Variants in TNR observed in about 807,000 individuals in gnomAD.
TNR encodes tenascin-R.
Under a neutral mutation model 150.4 loss-of-function variants are expected in TNR, and 45 were observed. The observed-to-expected ratio is 0.30, with a 90% CI of 0.24 to 0.38. The LOEUF (loss-of-function observed/expected upper bound fraction) is 0.38, where lower values mean the gene tolerates loss of function less well. TNR is among the 10% of genes least tolerant of loss of function. The pLI is 1.00. For synonymous variants in TNR, 687 were observed against 678.4 expected (o/e 1.01, Z -0.20); for missense variants, 1,544 against 1,759.1 (o/e 0.88, Z 2.19).
chr1:175,634,081 C>G lies in TNR; in HGVS notation c.-164-105712G>C, dbSNP rs903667165. On this transcript the variant is annotated intron_variant, in intron 1 of 22. Coordinates refer to ENST00000367674, the MANE Select transcript of TNR (RefSeq NM_003285.3). Reference sequence around the variant, plus strand: ...AGATGAAATAAGCTAATCTATGTAACCACTTGACACAATGAATGGCCCCTG... The same window carrying G: ...AGATGAAATAAGCTAATCTATGTAAGCACTTGACACAATGAATGGCCCCTG... 3.3e-5 allele frequency among the ~76,000 whole-genome samples: 5 copies of G among 152,112 alleles called. No individual in the cohort carries two copies. In the East Asian group the frequency reaches 9.6e-4, roughly 29 times the overall value.
chr1:175,606,446 G>A (rs1389006124), intron 1 of TNR, among the ~76,000 whole-genome samples: 2 of 152,220 alleles, frequency 1.3e-5, no homozygotes, highest in African/African-American at 2.4e-5. Flanking sequence ...GTAGATGAAA[G>A]AGAACTAGAC....
intron 1 of TNR, among the ~76,000 whole-genome samples, chr1:175,678,662 G>T (rs1226148771): frequency 6.6e-6 from 1 of 152,218 alleles, no homozygotes; most frequent in Non-Finnish European, 1.5e-5. Flanking sequence ...ATTGACCAAA[G>T]AGAGATCTCA....
intron 2 of TNR, among the ~76,000 whole-genome samples, chr1:175,410,005 A>G (rs12024178): frequency 0.25 from 38,418 of 152,094 alleles, 5,775 homozygotes; most frequent in East Asian, 0.54. Context: ...GGTAACTGCT[A>G]TGGAGGGAGC....
At chr1:175,673,793 G>T (rs183935703) in intron 1 of TNR, among the ~76,000 whole-genome samples, 1 of 152,354 alleles carries the variant, frequency 6.6e-6, no homozygotes, top group East Asian at 1.9e-4. Flanking sequence ...GGGCATTTTG[G>T]CATGCCAATC....
intron 2 of TNR, among the ~76,000 whole-genome samples, chr1:175,511,826 C>T (rs1031779190): frequency 1.3e-5 from 2 of 152,196 alleles, no homozygotes; most frequent in African/African-American, 4.8e-5. Context: ...CAGAAAGGCA[C>T]AACAGTCCTG....
chr1:175,676,819 C>T (rs1665880406), intron 1 of TNR, among the ~76,000 whole-genome samples: 1 of 152,204 alleles, frequency 6.6e-6, no homozygotes, highest in Admixed American at 6.5e-5. Flanking sequence ...GACTCTCCTG[C>T]ACACAGAGCT....
intron 2 of TNR, among the ~76,000 whole-genome samples, chr1:175,429,723 T>C (rs1016106587): frequency 6.6e-5 from 10 of 152,252 alleles, no homozygotes; most frequent in African/African-American, 2.2e-4. Flanking sequence ...AGAAACTGGG[T>C]AGGGTCTAGA....
chr1:175,327,897 C>T (rs1438885691), intron 21 of TNR, among the ~76,000 whole-genome samples: 1 of 152,226 alleles, frequency 6.6e-6, no homozygotes, highest in Non-Finnish European at 1.5e-5. Flanking sequence ...CACCACAGGA[C>T]AGGAGCTCGA....
At chr1:175,480,897 C>A (rs1227148689) in intron 2 of TNR, among the ~76,000 whole-genome samples, 1 of 152,108 alleles carries the variant, frequency 6.6e-6, no homozygotes, top group Non-Finnish European at 1.5e-5. Flanking sequence ...CACTTCTTAT[C>A]CCTTTTATTA....
At chr1:175,484,087 C>T (rs1366191587) in intron 2 of TNR, among the ~76,000 whole-genome samples, 1 of 152,322 alleles carries the variant, frequency 6.6e-6, no homozygotes, top group South Asian at 2.1e-4. Flanking sequence ...CTGTGCAGTG[C>T]ACACAGAAGG....
At chr1:175,531,834 C>T (rs1287073953) in intron 1 of TNR, among the ~76,000 whole-genome samples, 1 of 152,242 alleles carries the variant, frequency 6.6e-6, no homozygotes, top group Non-Finnish European at 1.5e-5. Context: ...CAGGTGAGTT[C>T]AGCCATCAGA....
intron 1 of TNR, among the ~76,000 whole-genome samples, chr1:175,563,009 G>C (rs1405373772): frequency 6.6e-6 from 1 of 152,214 alleles, no homozygotes; most frequent in Non-Finnish European, 1.5e-5. Context: ...CAGGAAGCAT[G>C]ATTGATCCCA....
At chr1:175,723,998 A>C (rs1311047056) in intron 1 of TNR, among the ~76,000 whole-genome samples, 1 of 152,190 alleles carries the variant, frequency 6.6e-6, no homozygotes, top group Non-Finnish European at 1.5e-5. Context: ...AAATTTGAGA[A>C]AATTGATATT....
At chr1:175,473,266 G>T (rs1328200256) in intron 2 of TNR, among the ~76,000 whole-genome samples, 3 of 152,130 alleles carry the variant, frequency 2.0e-5, no homozygotes, top group Admixed American at 6.5e-5. Flanking sequence ...TTTTCCTCTT[G>T]TTTTCATTAA....
At chr1:175,601,468 T>A (rs1663233823) in intron 1 of TNR, among the ~76,000 whole-genome samples, 1 of 152,244 alleles carries the variant, frequency 6.6e-6, no homozygotes, top group East Asian at 1.9e-4. Flanking sequence ...GAGGCCTGAG[T>A]TCCAGTTCTG....
chr1:175,569,797 T>G (rs1021333389), intron 1 of TNR, among the ~76,000 whole-genome samples: 7 of 152,242 alleles, frequency 4.6e-5, no homozygotes, highest in African/African-American at 1.4e-4. Context: ...TATTTGATTC[T>G]TATCGGGCAG....
intron 1 of TNR, among the ~76,000 whole-genome samples, chr1:175,633,668 A>G (rs1187313183): frequency 6.6e-6 from 1 of 152,220 alleles, no homozygotes. Context: ...ATGGCCTCTT[A>G]GTACATTCCA....
chr1:175,534,819 C>G (rs1305648566), intron 1 of TNR, among the ~76,000 whole-genome samples: 3 of 152,174 alleles, frequency 2.0e-5, no homozygotes, highest in Non-Finnish European at 4.4e-5. Flanking sequence ...CCCCACATGT[C>G]AAGGACACTA....
rs762401732 is a variant in TNR, at chr1:175,356,309, A to G, written c.3118+10T>C. The G allele has an allele frequency of 6.2e-7, 1 of 1,613,940 alleles. No homozygotes were observed. The highest frequency in any genetic ancestry group is 1.3e-5 in the African/African-American group (1 of 75,038). The stretch of plus-strand genomic sequence containing the variant: ...CAGGGATACGGGTATGTAGGTGACC[A>G]TGTACTCACGAGTAGAAAAGTTGGT... On this transcript the variant is annotated intron_variant, in intron 16 of 22. Transcript: ENST00000367674.
Sources: gnomAD v4.1 joint callset for allele counts (sites outside exome capture counted in the v4.1 genomes callset) on GRCh38, gnomAD v4.1.1 for gene constraint, MANE v1.5 for transcripts, NCBI Gene and HGNC (gene_info 2026-07-23, HGNC 2026-07-21) for gene names.